TNS1: variants seen among roughly 807,000 people sequenced by gnomAD.
TNS1 encodes the protein tensin-1.
TNS1 carries 62 observed loss-of-function variants against 168.6 expected under a neutral mutation model. The ratio of observed to expected loss-of-function variants is 0.37; its 90% confidence interval spans 0.30 to 0.45. TNS1 has a LOEUF of 0.45. Among genes scored for constraint, TNS1 ranks in the 20% least tolerant of loss-of-function variants. The pLI is 1.00. For synonymous variants in TNS1, 934 were observed against 933.2 expected, an observed-to-expected ratio of 1.00 and a Z score of -0.02; for missense variants, 2,240 against 2,339.4, an observed-to-expected ratio of 0.96 and a Z score of 0.88.
Position 217,848,132 on chromosome 2 carries a change from G to T in TNS1, c.2385C>A (p.Ala795=), listed in dbSNP as rs1049940982. The change falls in exon 19 of 33, where the codon GCC becomes GCA. Residue 795 remains alanine (A), a synonymous_variant. Coordinates refer to ENST00000682258, the MANE Select transcript of TNS1 (RefSeq NM_001387777.1). ...TGCTGGCTACAAGACTCTCCAAGTG[G>T]GCTCTTTCCTGCTGGCGTGGAGGTG... is the stretch of plus-strand genomic sequence containing the variant. ...PRPPPRQQER[A]HLESLVASRP... is the part of the protein sequence containing the mutation. 1 of 1,593,486 alleles carries T rather than the reference G, an allele frequency of 6.3e-7. No homozygotes were observed. Among genetic ancestry groups the T allele is most frequent in the Non-Finnish European group, 8.5e-7 (1 of 1,170,354 alleles).
intron 18 of TNS1, among the ~76,000 whole-genome samples, chr2:217,876,402 G>T (rs980434539): frequency 6.6e-6 from 1 of 152,210 alleles, no homozygotes; most frequent in Non-Finnish European, 1.5e-5. Context: ...CAAAACTGGT[G>T]TTAGCCAGAG....
intron 3 of TNS1, among the ~76,000 whole-genome samples, chr2:217,924,386 A>G (rs1381736750): frequency 6.6e-6 from 1 of 152,022 alleles, no homozygotes; most frequent in East Asian, 1.9e-4. Flanking sequence ...CACAGACCTT[A>G]TTACAATTTG....
At chr2:217,929,917 C>T (rs1251317172) in intron 3 of TNS1, among the ~76,000 whole-genome samples, 38 of 152,260 alleles carry the variant, frequency 2.5e-4, no homozygotes, top group Admixed American at 2.5e-3. Context: ...CCCTCCACCC[C>T]ATTCTCCATT....
At chr2:217,964,793 G>C in intron 3 of TNS1, among the ~76,000 whole-genome samples, 2 of 152,282 alleles carry the variant, frequency 1.3e-5, no homozygotes, top group African/African-American at 4.8e-5. Context: ...TGGGTGCGCC[G>C]GGCCGCGCCA....
intron 5 of TNS1, among the ~76,000 whole-genome samples, chr2:217,906,849 C>A (rs1283598946): frequency 6.6e-6 from 1 of 152,242 alleles, no homozygotes; most frequent in East Asian, 1.9e-4. Context: ...CTGTCCAACT[C>A]TCAGCTAGCT....
chr2:217,868,176 G>T (rs760349251), intron 18 of TNS1, among the ~76,000 whole-genome samples: 2 of 152,212 alleles, frequency 1.3e-5, no homozygotes, highest in East Asian at 1.9e-4. Flanking sequence ...ATGATGTGGG[G>T]TTTTTCCTTC....
chr2:217,979,213 A>G, intron 2 of TNS1, among the ~76,000 whole-genome samples: 1 of 152,122 alleles, frequency 6.6e-6, no homozygotes, highest in East Asian at 1.9e-4. Context: ...GACATCGCAA[A>G]CCACAATCAC....
At chr2:217,958,030 A>ACACACACACACACAC (rs1559387621) in intron 3 of TNS1, among the ~76,000 whole-genome samples, 52 of 100,602 alleles carry the variant, frequency 5.2e-4, no homozygotes, top group African/African-American at 3.0e-3. Context: ...CACACACACA[A>ACACACACACACACAC]AAGGAGGAGC....
chr2:217,830,178 C>A (rs532980861), intron 22 of TNS1, among the ~76,000 whole-genome samples: 1 of 152,284 alleles, frequency 6.6e-6, no homozygotes, highest in East Asian at 1.9e-4. Flanking sequence ...CCCCTCGCAG[C>A]CCCTGTGCCC....
In TNS1 at chr2:217,983,722, G is replaced by A. The variant is rs180873551; in HGVS notation, c.149-4920C>T. Among the ~76,000 whole-genome samples, 80 of 152,304 alleles carry A rather than the reference G, an allele frequency of 5.3e-4. No individual in the cohort carries two copies. The East Asian group carries it at 0.015, about 28-fold the overall frequency. On this transcript the variant is annotated intron_variant, in intron 2 of 32. Coordinates refer to ENST00000682258, the MANE Select transcript of TNS1 (RefSeq NM_001387777.1). ...CGATAACCACTCGCATGCCCGGTCC[G>A]GCTTCAGCTCCTTCCATGGCCGGCA...
chr2:217,866,989 G>A (rs1226903239), intron 18 of TNS1, among the ~76,000 whole-genome samples: 2 of 152,200 alleles, frequency 1.3e-5, no homozygotes, highest in Admixed American at 6.5e-5. Context: ...GCTGAGAAAT[G>A]GTGGGTGTCA....
chr2:217,893,589 G>C, intron 9 of TNS1, 28 bp from the exon 10 acceptor site: 1 of 1,585,506 alleles, frequency 6.3e-7, no homozygotes, highest in Non-Finnish European at 8.6e-7. Flanking sequence ...AGTGAGAAGA[G>C]GGCAGAAGCC....
At chr2:217,850,404 T>G in intron 18 of TNS1, 2 of 985,268 alleles carry the variant, frequency 2.0e-6, no homozygotes, top group South Asian at 9.4e-5. Context: ...GAGAGGGTCC[T>G]CTTGTCTGCA....
intron 1 of TNS1, among the ~76,000 whole-genome samples, chr2:218,002,287 G>C (rs973601009): frequency 3.3e-5 from 5 of 152,140 alleles, no homozygotes; most frequent in Non-Finnish European, 7.3e-5. Context: ...TAGCAGGGGA[G>C]GGCTGTGGAG....
In TNS1 at chr2:217,960,644, C is replaced by T. The variant is rs112306435; in HGVS notation, c.186+18121G>A. On this transcript the variant is annotated intron_variant, in intron 3 of 32. Coordinates refer to ENST00000682258, the MANE Select transcript of TNS1 (RefSeq NM_001387777.1). ...CCTCCAGACACACACCCCACCAGTG[C>T]GGGAAGGCTCAGCCTTTCCCCGCCC... is the stretch of plus-strand genomic sequence containing the variant. Among the ~76,000 whole-genome samples the T allele has an allele frequency of 3.0e-4, 45 of 152,306 alleles. No homozygotes were observed. The East Asian group carries it at 6.9e-3, about 24-fold the overall frequency.
At chr2:217,909,728 A>G (rs994035054) in intron 4 of TNS1, among the ~76,000 whole-genome samples, 2 of 151,974 alleles carry the variant, frequency 1.3e-5, no homozygotes, top group Admixed American at 6.6e-5. Context: ...AGGCAGGACA[A>G]CTCCAACTCG....
intron 23 of TNS1, among the ~76,000 whole-genome samples, chr2:217,820,812 C>A (rs1462410032): frequency 2.6e-5 from 4 of 152,150 alleles, no homozygotes; most frequent in Non-Finnish European, 5.9e-5. Context: ...CTCCACTAAG[C>A]CTGTCAGCAG....
chr2:217,876,687 A>G (rs1183565179), intron 18 of TNS1, among the ~76,000 whole-genome samples: 1 of 152,156 alleles, frequency 6.6e-6, no homozygotes. Context: ...GAGGCAATTA[A>G]GGTGAAAAGA....
At chr2:217,947,367 G>A (rs777857359) in intron 3 of TNS1, among the ~76,000 whole-genome samples, 19 of 152,146 alleles carry the variant, frequency 1.2e-4, no homozygotes, top group Non-Finnish European at 1.0e-4. Flanking sequence ...ATACAGAACC[G>A]AGAAAGGAGA....
Sources: allele counts gnomAD v4.1 joint callset (sites outside exome capture counted in the v4.1 genomes callset), GRCh38; gene constraint gnomAD v4.1.1; transcripts MANE v1.5; gene names NCBI Gene and HGNC (gene_info 2026-07-23, HGNC 2026-07-21).